NRG2: variants seen among roughly 807,000 people sequenced by gnomAD.
The protein encoded by NRG2 is neuregulin 2.
NRG2 carries 27 observed loss-of-function variants against 73.9 expected under a neutral mutation model. That is an observed-to-expected ratio of 0.37 (90% CI 0.27 to 0.50). NRG2 has a LOEUF of 0.50. Ranked by LOEUF, NRG2 falls within the 20% of genes least tolerant of loss-of-function variation. NRG2 has a pLI of 0.96. For synonymous variants in NRG2, 532 were observed against 541.0 expected (o/e 0.98, Z 0.23); for missense variants, 1,126 against 1,210.1 (o/e 0.93, Z 1.03).
chr5:139,941,400 T>C (rs1753393461), intron 1 of NRG2, among the ~76,000 whole-genome samples: 1 of 152,298 alleles, frequency 6.6e-6, no homozygotes, highest in African/African-American at 2.4e-5. Flanking sequence ...TAACATTTCA[T>C]TTAATTATGA....
chr5:139,963,716 G>A (rs572195086), intron 1 of NRG2, among the ~76,000 whole-genome samples: 53 of 152,300 alleles, frequency 3.5e-4, no homozygotes, highest in Admixed American at 2.4e-3. Flanking sequence ...TTAGACTCTC[G>A]TCTGCCTGAC....
chr5:139,872,285 G>T (rs888625430), intron 3 of NRG2, among the ~76,000 whole-genome samples: 2 of 152,224 alleles, frequency 1.3e-5, no homozygotes, highest in African/African-American at 4.8e-5. Context: ...CGCCTGCATG[G>T]CTTGGGCTCT....
intron 5 of NRG2, among the ~76,000 whole-genome samples, chr5:139,864,418 G>T (rs543727776): frequency 1.3e-5 from 2 of 149,928 alleles, no homozygotes; most frequent in Admixed American, 1.3e-4. Context: ...TGTGCAAAAG[G>T]GAAAGCTCCA....
intron 1 of NRG2, among the ~76,000 whole-genome samples, chr5:139,949,185 GC>G (rs780435936): frequency 6.6e-5 from 10 of 152,094 alleles, no homozygotes; most frequent in Non-Finnish European, 1.3e-4. Context: ...GGTTTGAGGA[GC>G]CCCCATCTTT....
chr5:140,043,212 G>C lies in NRG2; in HGVS notation c.-143C>G, dbSNP rs1257805971. On this transcript the variant is annotated 5_prime_UTR_variant, in exon 1 of 10. Coordinates refer to ENST00000361474, the MANE Select transcript of NRG2 (RefSeq NM_004883.3). This position sits in a 1 kb window ranked among gnomAD's most constrained non-coding sequence, Gnocchi z 6.7. ...CAGCCCGGGGAGGTGGCCCAGCTAG[G>C]GCAGGGGGCAGGCGGCAAGCGGGCC... 2.2e-6 allele frequency: 2 copies of C among 893,618 alleles called. No individual in the cohort carries two copies. Among genetic ancestry groups the C allele is most frequent in the Non-Finnish European group, 3.2e-6 (2 of 618,802 alleles). 55.4% of individuals were successfully genotyped at this position (893,618 alleles called of 1,614,324 possible).
At chr5:139,908,912 A>G (rs1765419278) in intron 1 of NRG2, among the ~76,000 whole-genome samples, 1 of 152,230 alleles carries the variant, frequency 6.6e-6, no homozygotes, top group African/African-American at 2.4e-5. Flanking sequence ...ACAGCCAGGC[A>G]TCTGGAGCAC....
chr5:139,892,807 T>A (rs1451374300), intron 1 of NRG2, among the ~76,000 whole-genome samples: 2 of 152,194 alleles, frequency 1.3e-5, no homozygotes, highest in Non-Finnish European at 2.9e-5. Context: ...TCCCTACCGC[T>A]GCTCCTTCCC....
rs1762618524 is a variant in NRG2 at position 139,868,299 on chromosome 5, T to C, written c.1113-2674A>G. Among the ~76,000 whole-genome samples, 1 of 152,110 alleles carries C rather than the reference T, an allele frequency of 6.6e-6. No homozygotes were observed. The highest frequency in any genetic ancestry group is 1.5e-5 in the Non-Finnish European group (1 of 68,010). On this transcript the variant is annotated intron_variant, in intron 4 of 9. Coordinates refer to ENST00000361474, the MANE Select transcript of NRG2 (RefSeq NM_004883.3). The surrounding 1 kb of genome is among the most constrained non-coding windows in gnomAD (Gnocchi z 4.2). Reference sequence around the variant, plus strand: ...AGGCTTTGGGGGTGAGCTGGGCCTATAGCCTCTCTAACCTGCACCTAATAC... The same window carrying C: ...AGGCTTTGGGGGTGAGCTGGGCCTACAGCCTCTCTAACCTGCACCTAATAC...
chr5:139,904,405 G>A lies in NRG2; in HGVS notation c.701-16894C>T, dbSNP rs897717488. On this transcript the variant is annotated intron_variant, in intron 1 of 9. Transcript: ENST00000361474. The surrounding 1 kb of genome is among the most constrained non-coding windows in gnomAD (Gnocchi z 6.0). ...CCTCCTGGACTCCGACATTCTGCAC[G>A]GGGTCCCAGGCGGTGGGACGGCCTC... 2.0e-6 allele frequency: 3 copies of A among 1,515,172 alleles called. No individual in the cohort carries two copies. Among genetic ancestry groups the A allele is most frequent in the Admixed American group, 1.7e-5 (1 of 58,486 alleles). The allele number at this position is 1,515,172 out of a possible 1,614,324, so 93.9% of individuals were successfully genotyped here.
rs900619420 is a variant in NRG2, at chr5:139,904,073, A to C, written c.701-16562T>G. On this transcript the variant is annotated intron_variant, in intron 1 of 9. Coordinates refer to ENST00000361474, the MANE Select transcript of NRG2 (RefSeq NM_004883.3). The surrounding 1 kb of genome is among the most constrained non-coding windows in gnomAD (Gnocchi z 6.0). Reference sequence around the variant, plus strand: ...GCCTCTTGCCCGCCCCTGCGTGGGGACGCGGCCGCCCGGGGAGAGGCGCGC... The same window carrying C: ...GCCTCTTGCCCGCCCCTGCGTGGGGCCGCGGCCGCCCGGGGAGAGGCGCGC... Among the ~76,000 whole-genome samples the C allele has an allele frequency of 6.6e-6, 1 of 152,044 alleles. No homozygotes were observed. The highest frequency in any genetic ancestry group is 1.5e-5 in the Non-Finnish European group (1 of 67,984).
chr5:139,954,807 C>T lies in NRG2; in HGVS notation c.701-67296G>A, dbSNP rs1316535015. Among the ~76,000 whole-genome samples the T allele has an allele frequency of 1.3e-5, 2 of 152,228 alleles. No individual in the cohort carries two copies. The highest frequency in any genetic ancestry group is 2.9e-5 in the Non-Finnish European group (2 of 68,050). ...GAAATTGGGAGAGTAATAATGCCTACATCGTAGGGTTTTTGTAAGGATAAA... is the reference window on the plus strand; with the variant it reads ...GAAATTGGGAGAGTAATAATGCCTATATCGTAGGGTTTTTGTAAGGATAAA... On this transcript the variant is annotated intron_variant, in intron 1 of 9. Transcript: ENST00000361474. The surrounding 1 kb of genome is among the most constrained non-coding windows in gnomAD (Gnocchi z 5.0).
At chr5:139,872,276 G>C (rs1021331210) in intron 3 of NRG2, among the ~76,000 whole-genome samples, 1 of 152,198 alleles carries the variant, frequency 6.6e-6, no homozygotes, top group African/African-American at 2.4e-5. Flanking sequence ...ACCTACACCC[G>C]CCTGCATGGC....
intron 1 of NRG2, among the ~76,000 whole-genome samples, chr5:139,991,164 C>T (rs182346076): frequency 6.6e-6 from 1 of 151,976 alleles, no homozygotes; most frequent in South Asian, 2.1e-4. Flanking sequence ...GTAATCCCAG[C>T]TACTCAGGAG....
intron 1 of NRG2, among the ~76,000 whole-genome samples, chr5:139,997,538 C>T (rs114756289): frequency 3.5e-4 from 54 of 152,352 alleles, no homozygotes; most frequent in African/African-American, 1.3e-3. Context: ...GTCAACAATA[C>T]AGGTCTGCCC....
intron 1 of NRG2, among the ~76,000 whole-genome samples, chr5:139,978,761 C>T (rs1323973647): frequency 6.6e-6 from 1 of 152,052 alleles, no homozygotes; most frequent in African/African-American, 2.4e-5. Flanking sequence ...TACTGTGGCA[C>T]TATCGCAGCC....
chr5:139,859,894 A>G (rs1284900957), intron 5 of NRG2: 1 of 1,612,390 alleles, frequency 6.2e-7, no homozygotes, highest in South Asian at 1.1e-5. Flanking sequence ...CATACCCTTT[A>G]ATTCAAATCC....
chr5:139,973,733 CA>C (rs1756159310), intron 1 of NRG2, among the ~76,000 whole-genome samples: 1 of 152,050 alleles, frequency 6.6e-6, no homozygotes, highest in African/African-American at 2.4e-5. Flanking sequence ...TTCTGGAAGC[CA>C]AAAGTTCAAG....
chr5:140,010,837 G>A (rs1184234329), intron 1 of NRG2, among the ~76,000 whole-genome samples: 1 of 152,134 alleles, frequency 6.6e-6, no homozygotes, highest in African/African-American at 2.4e-5. Flanking sequence ...GGAAAGCATC[G>A]GACACATCCG....
At chr5:139,885,632 C>CGTGG (rs1561654821) in intron 2 of NRG2, among the ~76,000 whole-genome samples, 1 of 151,262 alleles carries the variant, frequency 6.6e-6, no homozygotes, top group African/African-American at 2.4e-5. Flanking sequence ...AAGTCACGGG[C>CGTGG]GTGGGTTTGT....
Sources: allele counts gnomAD v4.1 joint callset (sites outside exome capture counted in the v4.1 genomes callset), GRCh38; gene constraint gnomAD v4.1.1; non-coding constraint Gnocchi (gnomAD v3.1); transcripts MANE v1.5; gene names NCBI Gene and HGNC (gene_info 2026-07-23, HGNC 2026-07-21).